The following NTM variants were observed in gnomAD, a reference collection of about 807,000 sequenced individuals.
The protein encoded by NTM is neurotrimin.
NTM carries 13 observed loss-of-function variants against 42.1 expected under a neutral mutation model. The observed-to-expected ratio is 0.31, with a 90% CI of 0.20 to 0.49. The LOEUF is 0.49. Ranked by LOEUF, NTM falls within the 20% of genes least tolerant of loss-of-function variation. NTM has a pLI of 0.99. For synonymous variants in NTM, 187 were observed against 179.2 expected (o/e 1.04, Z -0.35); for missense variants, 373 against 452.8 (o/e 0.82, Z 1.60).
intron 1 of NTM, among the ~76,000 whole-genome samples, chr11:131,726,320 A>G (rs758558139): frequency 5.3e-5 from 8 of 152,106 alleles, no homozygotes; most frequent in Non-Finnish European, 1.0e-4. Context: ...AGCTTAAAAA[A>G]ATGGTGGTTG....
At chr11:131,944,797 G>A (rs915851515) in intron 2 of NTM, among the ~76,000 whole-genome samples, 23 of 152,188 alleles carry the variant, frequency 1.5e-4, no homozygotes, top group African/African-American at 5.3e-4. Flanking sequence ...AAGGGGTGTC[G>A]TGGAAATGTA....
At position 131,509,323 on chromosome 11, in the gene NTM, C is replaced by G. The variant is rs139806059; in HGVS notation, c.82+138435C>G. ...TGCATGGGCTCACTCCCAATAACTC[C>G]GCTTTGGTCTCCCTTTACTCTGTCG... is the stretch of plus-strand genomic sequence containing the variant. On this transcript the variant is annotated intron_variant, in intron 1 of 8. Transcript: ENST00000683400. 1.5e-3 allele frequency among the ~76,000 whole-genome samples: 222 copies of G among 152,282 alleles called. 1 individual carries two copies. Among genetic ancestry groups the G allele is most frequent in the Non-Finnish European group, 2.7e-3 (182 of 68,032 alleles).
At chr11:131,621,967 T>C (rs2062615594) in intron 1 of NTM, among the ~76,000 whole-genome samples, 2 of 152,108 alleles carry the variant, frequency 1.3e-5, no homozygotes, top group African/African-American at 2.4e-5. Context: ...GTCCTTTCAG[T>C]CTCTCTTTGG....
At chr11:131,554,508 G>A (rs77679702) in intron 1 of NTM, among the ~76,000 whole-genome samples, 11,109 of 149,324 alleles carry the variant, frequency 0.074, 1,360 homozygotes, top group African/African-American at 0.26. Flanking sequence ...TATATATAAA[G>A]GTCACCTGCA....
At chr11:132,082,890 C>T (rs970933190) in intron 2 of NTM, among the ~76,000 whole-genome samples, 8 of 152,124 alleles carry the variant, frequency 5.3e-5, no homozygotes, top group Non-Finnish European at 1.0e-4. Flanking sequence ...GAAACAAAAG[C>T]GAGGGTAAGG....
At chr11:131,856,526 A>G (rs2046117131) in intron 1 of NTM, among the ~76,000 whole-genome samples, 1 of 152,202 alleles carries the variant, frequency 6.6e-6, no homozygotes, top group Non-Finnish European at 1.5e-5. Flanking sequence ...TCACAACTGA[A>G]TATTTATTGA....
chr11:131,716,312 A>G (rs1442432806), intron 1 of NTM, among the ~76,000 whole-genome samples: 1 of 152,174 alleles, frequency 6.6e-6, no homozygotes, highest in Non-Finnish European at 1.5e-5. Context: ...ATTCCTTTCA[A>G]CATGAATTTT....
At chr11:131,498,832 C>T (rs1407339150) in intron 1 of NTM, among the ~76,000 whole-genome samples, 1 of 152,208 alleles carries the variant, frequency 6.6e-6, no homozygotes, top group Non-Finnish European at 1.5e-5. Context: ...TGCTTGCCCT[C>T]TCCTGGAGGC....
At chr11:131,782,626 G>T (rs2088379088) in intron 1 of NTM, among the ~76,000 whole-genome samples, 1 of 152,032 alleles carries the variant, frequency 6.6e-6, no homozygotes, top group Non-Finnish European at 1.5e-5. Flanking sequence ...ATTAAATCCA[G>T]AAATATATAA....
intron 2 of NTM, among the ~76,000 whole-genome samples, chr11:132,105,185 C>G (rs10750497): frequency 0.71 from 106,145 of 150,302 alleles, 38,189 homozygotes; most frequent in African/African-American, 0.77. Flanking sequence ...AGCTCCAACA[C>G]GCACAGCTGA....
At chr11:132,218,969 T>C (rs533641291) in intron 4 of NTM, among the ~76,000 whole-genome samples, 2 of 152,288 alleles carry the variant, frequency 1.3e-5, no homozygotes, top group East Asian at 3.9e-4. Flanking sequence ...TAAACCTCTC[T>C]GAAGATGTGC....
At chr11:132,016,708 A>G (rs2073474212) in intron 2 of NTM, among the ~76,000 whole-genome samples, 1 of 152,026 alleles carries the variant, frequency 6.6e-6, no homozygotes, top group Non-Finnish European at 1.5e-5. Flanking sequence ...TAACTTTGAT[A>G]GAAACTGCCA....
intron 1 of NTM, among the ~76,000 whole-genome samples, chr11:131,408,789 G>A (rs1170288055): frequency 2.6e-5 from 4 of 152,118 alleles, no homozygotes; most frequent in Admixed American, 1.3e-4. Context: ...ACATCACATC[G>A]GCACTCAGAT....
intron 2 of NTM, among the ~76,000 whole-genome samples, chr11:131,977,966 G>T (rs1044134839): frequency 6.6e-6 from 1 of 152,198 alleles, no homozygotes; most frequent in Non-Finnish European, 1.5e-5. Flanking sequence ...AGTCAGGAAG[G>T]ATGGCAGTGC....
chr11:132,010,617 C>CTTT (rs71067351), intron 2 of NTM, among the ~76,000 whole-genome samples: 14,560 of 146,824 alleles, frequency 0.099, 831 homozygotes, highest in Non-Finnish European at 0.13. Context: ...TTTCTACTGT[C>CTTT]TTTTTTTTTT....
At chr11:131,676,391 G>A (rs944006993) in intron 1 of NTM, among the ~76,000 whole-genome samples, 1 of 152,240 alleles carries the variant, frequency 6.6e-6, no homozygotes, top group Non-Finnish European at 1.5e-5. Flanking sequence ...ACCCAAAGAA[G>A]TGAAGGGCTG....
In NTM at chr11:131,943,499, C is replaced by T. The variant is rs192181835; in HGVS notation, c.167+31851C>T. On this transcript the variant is annotated intron_variant, in intron 2 of 8. Coordinates refer to ENST00000683400, the MANE Select transcript of NTM (RefSeq NM_001352005.2). ...TTTTCCCTGTTTCTCTTTTCTGAGT[C>T]CACCCTCCAGGTGTCTGATTCCATC... Among the ~76,000 whole-genome samples, 289 of 152,340 alleles carry T rather than the reference C, an allele frequency of 1.9e-3. 1 individual carries two copies. Among genetic ancestry groups the T allele is most frequent in the Admixed American group, 5.8e-3 (89 of 15,310 alleles).
At chr11:131,451,458 C>T (rs537264957) in intron 1 of NTM, among the ~76,000 whole-genome samples, 23 of 152,296 alleles carry the variant, frequency 1.5e-4, no homozygotes, top group African/African-American at 5.5e-4. Flanking sequence ...GGGCTCATGT[C>T]TTAGAGAAGG....
intron 1 of NTM, among the ~76,000 whole-genome samples, chr11:131,592,939 A>G (rs1005026349): frequency 1.3e-5 from 2 of 152,050 alleles, no homozygotes; most frequent in Non-Finnish European, 2.9e-5. Context: ...CTGGAATTGC[A>G]GTTCTCCTTG....
Sources: allele counts gnomAD v4.1 joint callset (sites outside exome capture counted in the v4.1 genomes callset), GRCh38; gene constraint gnomAD v4.1.1; transcripts MANE v1.5; gene names NCBI Gene and HGNC (gene_info 2026-07-23, HGNC 2026-07-21).